The following ADAR variants were observed in gnomAD, a reference collection of about 807,000 sequenced individuals.
The protein encoded by ADAR is double-stranded RNA-specific adenosine deaminase.
In ADAR, 41 loss-of-function variants were observed where a neutral mutation model predicts 113.2. The ratio of observed to expected loss-of-function variants is 0.36; its 90% confidence interval spans 0.28 to 0.47. The LOEUF (loss-of-function observed/expected upper bound fraction) is 0.47. ADAR is among the 20% of genes least tolerant of loss of function. The probability of loss-of-function intolerance (pLI) is 1.00; values close to 1 mark genes in which losing one functional copy is unlikely to be tolerated. For missense variants in ADAR, 1,242 were observed against 1,540.9 expected (o/e 0.81, Z 3.25); for synonymous variants, 605 against 572.6 (o/e 1.06, Z -0.81).
In ADAR at chr1:154,601,942, A is replaced by AG; in HGVS notation, c.699dup (p.Ser234LeufsTer10). The AG allele has an allele frequency of 6.2e-7, 1 of 1,613,458 alleles. No homozygotes were observed. Among genetic ancestry groups the AG allele is most frequent in the Non-Finnish European group, 8.5e-7 (1 of 1,179,924 alleles). ...AGAAGATCTTCTGAGACAGATGTGG[A>AG]GTTTCTGTCTTCCGGTTCCAAACTC... On this transcript the variant is annotated frameshift_variant, in exon 2 of 15. Transcript: ENST00000368474. LOFTEE classifies it high-confidence loss of function. This position sits in a 1 kb window ranked among gnomAD's most constrained non-coding sequence, Gnocchi z 4.7.
upstream of ADAR, among the ~76,000 whole-genome samples, chr1:154,608,544 G>C (rs1389580693): frequency 1.7e-5 from 2 of 118,548 alleles, no homozygotes; most frequent in Non-Finnish European, 3.3e-5. Context: ...GTTTCACCAC[G>C]TTAGCCAGGG....
intron 1 of ADAR, among the ~76,000 whole-genome samples, chr1:154,623,452 CAT>C (rs1364467916): frequency 6.6e-6 from 1 of 152,192 alleles, no homozygotes; most frequent in Non-Finnish European, 1.5e-5. Flanking sequence ...TGTAAGCACA[CAT>C]GTGTGCATAC....
At position 154,597,166 on chromosome 1, in the gene ADAR, G is replaced by A; in HGVS notation, c.2036C>T (p.Ala679Val). ...GGAGTTGGTCGCCTCCCCATGCAGG[G>A]CCTTCATGGCTTCCTCTGCGGCCAT... is the stretch of plus-strand genomic sequence containing the variant. ...KQMAAEEAMK[A>V]LHGEATNSMA... The change falls in exon 5 of 15, where the codon GCC (alanine) becomes GTC (valine). Residue 679 changes from alanine (A) to valine (V), a missense_variant. Around this residue, in one of 2 missense-constraint regions of ADAR, gnomAD observed 780 missense variants for 1,057.9 expected, o/e 0.74. Transcript: ENST00000368474. The A allele has an allele frequency of 6.2e-7, 1 of 1,614,192 alleles. No homozygotes were observed. The highest frequency in any genetic ancestry group is 8.5e-7 in the Non-Finnish European group (1 of 1,180,040).
chr1:154,614,413 A>T (rs1205802877), intron 1 of ADAR, among the ~76,000 whole-genome samples: 1 of 152,202 alleles, frequency 6.6e-6, no homozygotes, highest in Non-Finnish European at 1.5e-5. Flanking sequence ...CTTCCCTAGG[A>T]TCCAGATCCA....
intron 9 of ADAR, 85 bp downstream of exon 9, chr1:154,589,284 C>T (rs1696966360): frequency 3.8e-6 from 4 of 1,064,860 alleles, no homozygotes; most frequent in Non-Finnish European, 5.8e-6. Flanking sequence ...GAGGGGGATT[C>T]AGAGGCCGTG....
chr1:154,610,736 G>C (rs1271038375), upstream of ADAR, among the ~76,000 whole-genome samples: 1 of 148,890 alleles, frequency 6.7e-6, no homozygotes, highest in Admixed American at 6.8e-5. Flanking sequence ...CTTGAAGCAG[G>C]GAGTCGGAGG....
rs753501005 is a variant in ADAR at position 154,585,743 on chromosome 1, G to A, written c.3315+10C>T. On this transcript the variant is annotated intron_variant, in intron 13 of 14. Coordinates refer to ENST00000368474, the MANE Select transcript of ADAR (RefSeq NM_001111.5). ...AAAATGTCAGGGAAAATAGAAGGGGGTTATAGCACCTTGGGGTGGTTGACA... is the reference window on the plus strand; with the variant it reads ...AAAATGTCAGGGAAAATAGAAGGGGATTATAGCACCTTGGGGTGGTTGACA... 1.2e-6 allele frequency: 2 copies of A among 1,603,458 alleles called. No individual in the cohort carries two copies. Among genetic ancestry groups the A allele is most frequent in the Non-Finnish European group, 8.5e-7 (1 of 1,170,246 alleles).
In ADAR at chr1:154,602,363, G is replaced by A; in HGVS notation, c.279C>T (p.Val93=). The change falls in exon 2 of 15, where the codon GTC becomes GTT. Residue 93 remains valine (V), a synonymous_variant. Coordinates refer to ENST00000368474, the MANE Select transcript of ADAR (RefSeq NM_001111.5). ...TRGRQVDIRG[V]PRGVHLRSQG... ...GACTTCTGAGATGCACGCCCCTGGG[G>A]ACACCCCTGATGTCCACTTGCCTGC... 1 of 1,606,362 alleles carries A rather than the reference G, an allele frequency of 6.2e-7. No homozygotes were observed. The highest frequency in any genetic ancestry group is 8.5e-7 in the Non-Finnish European group (1 of 1,175,818).
rs149091481 is a variant in ADAR, at chr1:154,601,563, C to T, written c.1079G>A (p.Arg360Gln). Residue 360 changes from arginine to glutamine, a missense_variant, in exon 2 of 15, where the codon CGA (arginine) becomes CAA (glutamine). Physicochemically the swap from Arg to Gln is conservative, Grantham distance 43 (BLOSUM62 1). Coordinates refer to ENST00000368474, the MANE Select transcript of ADAR (RefSeq NM_001111.5). The surrounding 1 kb of genome is among the most constrained non-coding windows in gnomAD (Gnocchi z 4.7). ...PPIWHLTDKK[R>Q]ERMQIKRNTN... ...ATTTCTCTTGATTTGCATCCTCTCT[C>T]GCTTCTTGTCTGTCAAATGCCATAT... The T allele has an allele frequency of 1.4e-5, 22 of 1,612,362 alleles. No homozygotes were observed. Among genetic ancestry groups the T allele is most frequent in the South Asian group, 4.4e-5 (4 of 91,092 alleles).
chr1:154,600,663 A>C (rs12139887), intron 2 of ADAR: 56,330 of 279,420 alleles, frequency 0.2, 5,902 homozygotes, highest in Non-Finnish European at 0.23. Context: ...TAGTAGAGAC[A>C]GGGTTTCACC....
At chr1:154,615,961 G>C (rs1345564181) in intron 1 of ADAR, among the ~76,000 whole-genome samples, 3 of 152,050 alleles carry the variant, frequency 2.0e-5, no homozygotes, top group Non-Finnish European at 4.4e-5. Context: ...CATGTACTTT[G>C]GCCTCTTTTC....
chr1:154,590,090 A>T (rs1697029045), intron 7 of ADAR, 94 bp downstream of exon 7: 3 of 1,501,186 alleles, frequency 2.0e-6, no homozygotes, highest in Non-Finnish European at 2.8e-6. Flanking sequence ...AGTAAAGCCT[A>T]GGAATAACTC....
intron 1 of ADAR, among the ~76,000 whole-genome samples, chr1:154,606,945 A>ATATATATAT (rs59439306): frequency 2.0e-4 from 16 of 81,916 alleles, no homozygotes; most frequent in Admixed American, 6.3e-4. Context: ...TAAAAAAAAA[A>ATATATATAT]AAATATATAT....
rs769223848 is a variant in ADAR at position 154,601,941 on chromosome 1, G to T, written c.701C>A (p.Ser234Tyr). The change falls in exon 2 of 15, where the codon TCC becomes TAC. Residue 234 changes from serine to tyrosine, a missense_variant. This residue lies in a region of ADAR where 462 missense variants were observed against 483.1 expected (regional missense o/e 0.96). Coordinates refer to ENST00000368474, the MANE Select transcript of ADAR (RefSeq NM_001111.5). The surrounding 1 kb of genome is among the most constrained non-coding windows in gnomAD (Gnocchi z 4.7). Reference sequence around the variant, plus strand: ...AAGAAGATCTTCTGAGACAGATGTGGAGTTTCTGTCTTCCGGTTCCAAACT... The same window carrying T: ...AAGAAGATCTTCTGAGACAGATGTGTAGTTTCTGTCTTCCGGTTCCAAACT... ...DPSLEPEDRN[S>Y]TSVSEDLLEP... 6 of 1,614,026 alleles carry T rather than the reference G, an allele frequency of 3.7e-6. No individual in the cohort carries two copies. The highest frequency in any genetic ancestry group is 4.2e-6 in the Non-Finnish European group (5 of 1,180,008).
intron 1 of ADAR, among the ~76,000 whole-genome samples, chr1:154,622,644 G>C (rs948149795): frequency 6.6e-6 from 1 of 152,122 alleles, no homozygotes; most frequent in Non-Finnish European, 1.5e-5. Flanking sequence ...AGGCTCCTTG[G>C]GCCTGACCTC....
chr1:154,586,972 T>A (rs370068991), intron 11 of ADAR, among the ~76,000 whole-genome samples: 45 of 152,130 alleles, frequency 3.0e-4, no homozygotes, highest in African/African-American at 9.9e-4. Context: ...CAAAAAAAAA[T>A]GCTTTACTGA....
chr1:154,591,030 A>G (rs1317831720), intron 6 of ADAR, among the ~76,000 whole-genome samples: 1 of 152,210 alleles, frequency 6.6e-6, no homozygotes, highest in Admixed American at 6.5e-5. Flanking sequence ...AAATGTAAAC[A>G]CACTGAAATA....
upstream of ADAR, among the ~76,000 whole-genome samples, chr1:154,609,695 G>A (rs1468753658): frequency 6.6e-6 from 1 of 152,108 alleles, no homozygotes; most frequent in African/African-American, 2.4e-5. Flanking sequence ...ACCCCTAATA[G>A]GGCACTTGCA....
chr1:154,627,430 G>A (rs1463875126), intron 1 of ADAR, among the ~76,000 whole-genome samples: 1 of 152,232 alleles, frequency 6.6e-6, no homozygotes, highest in Non-Finnish European at 1.5e-5. Context: ...CAGCAAAAGC[G>A]CCTACCGCGG....
Sources: allele counts gnomAD v4.1 joint callset (sites outside exome capture counted in the v4.1 genomes callset), GRCh38; gene constraint gnomAD v4.1.1; regional missense constraint gnomAD v4.1.1; non-coding constraint Gnocchi (gnomAD v3.1); transcripts MANE v1.5; gene names NCBI Gene and HGNC (gene_info 2026-07-23, HGNC 2026-07-21).